Variants in TMEM181 observed in about 807,000 individuals in gnomAD.
TMEM181 encodes the protein transmembrane protein 181, also known as G protein-coupled receptor 178.
TMEM181 carries 39 observed loss-of-function variants against 71.9 expected under a neutral mutation model. The observed-to-expected ratio is 0.54, with a 90% CI of 0.42 to 0.71. TMEM181 has a LOEUF of 0.71. Ranked by LOEUF, TMEM181 falls within the 30% of genes least tolerant of loss-of-function variation. TMEM181 has a pLI of 0.00. For synonymous variants in TMEM181, 245 were observed against 228.8 expected, an observed-to-expected ratio of 1.07 and a Z score of -0.64; for missense variants, 595 against 583.0, an observed-to-expected ratio of 1.02 and a Z score of -0.21.
intron 10 of TMEM181, 89 bp from the exon 11 acceptor site, chr6:158,623,460 TA>T (rs904088855): frequency 1.9e-5 from 17 of 886,932 alleles, no homozygotes; most frequent in Non-Finnish European, 2.3e-5. Flanking sequence ...TATTAATAAG[TA>T]AAAAAAACAA....
At chr6:158,536,709 G>T (rs1477491933) in exon 1 of TMEM181, 30 of 1,552,260 alleles carry the variant, frequency 1.9e-5, no homozygotes, top group Non-Finnish European at 2.5e-5. Flanking sequence ...GGAGCGGCGG[G>T]ACCGGGACCC....
chr6:158,627,874 C>T (rs890526521), intron 13 of TMEM181, among the ~76,000 whole-genome samples: 3 of 152,108 alleles, frequency 2.0e-5, no homozygotes, highest in Non-Finnish European at 4.4e-5. Context: ...GCCTGTGGAC[C>T]TGTGTCCCGA....
chr6:158,599,698 T>TG (rs1445076946), intron 6 of TMEM181, among the ~76,000 whole-genome samples: 22 of 152,194 alleles, frequency 1.4e-4, no homozygotes, highest in Admixed American at 1.4e-3. Context: ...CTTGCTCCTG[T>TG]GGACCTTCTG....
At position 158,625,718 on chromosome 6, in the gene TMEM181, T is replaced by A. The variant is rs1786235578; in HGVS notation, c.1073T>A (p.Phe358Tyr). Residue 358 changes from phenylalanine (F) to tyrosine (Y), a missense_variant, in exon 13 of 17, where the codon TTT becomes TAT. Coordinates refer to ENST00000684151, the MANE Select transcript of TMEM181 (RefSeq NM_001376852.1). ...TCTTTTTCAGATCTCAGGTTGAAAT[T>A]TTTGACTGCATTGACTTTCGTAGTA... ...HMPYVDLRLK[F>Y]LTALTFVVLV... 6.2e-7 allele frequency: 1 copy of A among 1,610,896 alleles called. No homozygotes were observed. The highest frequency in any genetic ancestry group is 8.5e-7 in the Non-Finnish European group (1 of 1,179,300).
At chr6:158,596,927 T>G (rs1433875157) in intron 6 of TMEM181, among the ~76,000 whole-genome samples, 1 of 152,194 alleles carries the variant, frequency 6.6e-6, no homozygotes, top group Non-Finnish European at 1.5e-5. Context: ...TTCTGGGAGA[T>G]ATAATTCAAG....
intron 1 of TMEM181, among the ~76,000 whole-genome samples, chr6:158,571,874 T>C (rs1364587501): frequency 6.6e-6 from 1 of 152,204 alleles, no homozygotes; most frequent in Non-Finnish European, 1.5e-5. Flanking sequence ...TTGAAGGTGT[T>C]GAGTTTGCTC....
intron 1 of TMEM181, among the ~76,000 whole-genome samples, chr6:158,544,344 CT>C (rs1190697732): frequency 6.6e-6 from 1 of 152,034 alleles, no homozygotes; most frequent in Non-Finnish European, 1.5e-5. Flanking sequence ...CAGGAAACCC[CT>C]CCGTCCCAGA....
chr6:158,626,656 C>T, intron 13 of TMEM181: 3 of 457,332 alleles, frequency 6.6e-6, no homozygotes, highest in Non-Finnish European at 1.3e-5. Context: ...CATCAAAAGT[C>T]ACTCAGAATA....
intron 2 of TMEM181, among the ~76,000 whole-genome samples, chr6:158,580,245 G>A (rs1390720742): frequency 6.6e-6 from 1 of 152,148 alleles, no homozygotes; most frequent in Non-Finnish European, 1.5e-5. Context: ...CAGGAGAAGT[G>A]CTTGAACCTG....
chr6:158,543,983 G>A (rs985103354), intron 1 of TMEM181, among the ~76,000 whole-genome samples: 2 of 152,154 alleles, frequency 1.3e-5, no homozygotes, highest in African/African-American at 2.4e-5. Context: ...GGCTTAGATC[G>A]GCCGCTGTGC....
intron 10 of TMEM181, among the ~76,000 whole-genome samples, chr6:158,609,519 C>T (rs920920688): frequency 6.6e-6 from 1 of 152,186 alleles, no homozygotes; most frequent in Non-Finnish European, 1.5e-5. Context: ...CATTCCACAC[C>T]CACTACCCAG....
At position 158,611,874 on chromosome 6, in the gene TMEM181, G is replaced by T. The variant is rs192432132; in HGVS notation, c.896+3124G>T. ...TATTTAAGGGTTCAGGGCAGAAGAGGTTATCACAGGCTTGGAATGTTTCTG... is the reference window on the plus strand; with the variant it reads ...TATTTAAGGGTTCAGGGCAGAAGAGTTTATCACAGGCTTGGAATGTTTCTG... On this transcript the variant is annotated intron_variant, in intron 10 of 16. Coordinates refer to ENST00000684151, the MANE Select transcript of TMEM181 (RefSeq NM_001376852.1). 1.1e-3 allele frequency among the ~76,000 whole-genome samples: 175 copies of T among 152,280 alleles called. 1 individual carries two copies. The highest frequency in any genetic ancestry group is 3.7e-3 in the African/African-American group (154 of 41,544).
In TMEM181 at chr6:158,632,043, G is replaced by T. The variant is rs1022852113; in HGVS notation, c.*155G>T. On this transcript the variant is annotated 3_prime_UTR_variant, in exon 17 of 17. Transcript: ENST00000684151. ...TTTTAAAGGAAAACCAAAACTGAGG[G>T]TAAATTTAAATGTTTAGCCAAATTT... 1 of 744,032 alleles carries T rather than the reference G, an allele frequency of 1.3e-6. No homozygotes were observed. The highest frequency in any genetic ancestry group is 2.2e-6 in the Non-Finnish European group (1 of 464,136). The allele number at this position is 744,032 out of a possible 1,614,324, so 46.1% of individuals were successfully genotyped here.
At chr6:158,594,562 G>A (rs1160277048) in intron 6 of TMEM181, among the ~76,000 whole-genome samples, 1 of 152,160 alleles carries the variant, frequency 6.6e-6, no homozygotes, top group Non-Finnish European at 1.5e-5. Context: ...TGGATGTACT[G>A]CAGCTTGTTT....
At chr6:158,588,008 A>G (rs1002271250) in intron 5 of TMEM181, among the ~76,000 whole-genome samples, 3 of 152,220 alleles carry the variant, frequency 2.0e-5, no homozygotes, top group African/African-American at 7.2e-5. Flanking sequence ...CCCGACTGCC[A>G]GAGGGGAAAG....
chr6:158,593,862 C>T (rs1162706128), intron 6 of TMEM181, among the ~76,000 whole-genome samples: 2 of 152,080 alleles, frequency 1.3e-5, no homozygotes, highest in Non-Finnish European at 2.9e-5. Context: ...GTCAGCATCT[C>T]GCACCAAAGT....
intron 1 of TMEM181, among the ~76,000 whole-genome samples, chr6:158,549,652 C>T (rs1293100228): frequency 1.3e-5 from 2 of 152,132 alleles, no homozygotes; most frequent in Non-Finnish European, 2.9e-5. Context: ...TGTGCGTAGT[C>T]AGGGCGGTAA....
rs567010021 is a variant in TMEM181 at position 158,560,448 on chromosome 6, T to TGCCC, written c.8+222_8+225dup. Among the ~76,000 whole-genome samples the TGCCC allele has an allele frequency of 8.8e-3, 1,346 of 152,226 alleles. 9 individuals carry two copies. The highest frequency in any genetic ancestry group is 0.016 in the Non-Finnish European group (1,067 of 67,986). On this transcript the variant is annotated intron_variant, in intron 1 of 16. Coordinates refer to ENST00000684151, the MANE Select transcript of TMEM181 (RefSeq NM_001376852.1). ...ACCGGGGCCGGGGCTCCCTCCTGCC[T>TGCCC]GCCCGCCCGGCCGCGGTTAGAGACC...
chr6:158,634,177 A>G lies in TMEM181; in HGVS notation c.*2289A>G, dbSNP rs1786812964. Reference sequence around the variant, plus strand: ...TAAGAAAAAAAGTTAGAAAGTACTTAAGGGGAAAATCGTTCTTACTAAGTC... The same window carrying G: ...TAAGAAAAAAAGTTAGAAAGTACTTGAGGGGAAAATCGTTCTTACTAAGTC... On this transcript the variant is annotated 3_prime_UTR_variant, in exon 17 of 17. Transcript: ENST00000684151. 6.6e-6 allele frequency: 1 copy of G among 152,208 alleles called. No homozygotes were observed. The highest frequency in any genetic ancestry group is 1.5e-5 in the Non-Finnish European group (1 of 68,020). The allele number at this position is 152,208 out of a possible 1,614,324, so 9.4% of individuals were successfully genotyped here. A position where few individuals can be genotyped will look rare whatever the true frequency, so the allele number is the denominator to read the frequency against.
Sources: allele counts gnomAD v4.1 joint callset (sites outside exome capture counted in the v4.1 genomes callset), GRCh38; gene constraint gnomAD v4.1.1; transcripts MANE v1.5; gene names NCBI Gene and HGNC (gene_info 2026-07-23, HGNC 2026-07-21).